Variants in NXPE2 observed in about 807,000 individuals in gnomAD.
The protein encoded by NXPE2 is NXPE family member 2.
A neutral mutation model predicts 34.4 loss-of-function variants in NXPE2; 34 were observed. That is an observed-to-expected ratio of 0.99 (90% CI 0.75 to 1.31). The LOEUF is 1.31. Ranked by LOEUF, NXPE2 falls within the 40% of genes most tolerant of loss-of-function variation. The pLI, the probability that NXPE2 is intolerant of heterozygous loss-of-function variation, is 0.00. For missense variants in NXPE2, 649 were observed against 672.5 expected (o/e 0.97, Z 0.39); for synonymous variants, 235 against 231.3 (o/e 1.02, Z -0.15).
At chr11:114,663,729 A>G in the NXPE2 span, among the ~76,000 whole-genome samples, 2 of 150,594 alleles carry the variant, frequency 1.3e-5, no homozygotes, top group African/African-American at 4.9e-5. Context: ...CTACCTACCT[A>G]TCTATTGGCG....
the NXPE2 span, among the ~76,000 whole-genome samples, chr11:114,719,249 T>G: frequency 0.22 from 32,901 of 151,986 alleles, 3,899 homozygotes; most frequent in East Asian, 0.36. Flanking sequence ...TCCTTTTACC[T>G]CCCTCCCAAT....
At chr11:114,691,711 G>T (rs1951153970) in intron 2 of NXPE2, among the ~76,000 whole-genome samples, 1 of 152,218 alleles carries the variant, frequency 6.6e-6, no homozygotes, top group South Asian at 2.1e-4. Flanking sequence ...CTTTGGTGAT[G>T]CCACCTTCAG....
intron 2 of NXPE2, among the ~76,000 whole-genome samples, chr11:114,697,310 G>A (rs1951276521): frequency 6.6e-6 from 1 of 152,142 alleles, no homozygotes; most frequent in Non-Finnish European, 1.5e-5. Context: ...AATGGAGGCA[G>A]AGATTGAAAT....
the NXPE2 span, among the ~76,000 whole-genome samples, chr11:114,549,482 G>T: frequency 6.6e-6 from 1 of 151,942 alleles, no homozygotes; most frequent in Non-Finnish European, 1.5e-5. Flanking sequence ...TACAGCTAAT[G>T]TGAGGAATTA....
At chr11:114,678,073 G>A (rs1472228149), upstream of NXPE2, among the ~76,000 whole-genome samples, 1 of 152,106 alleles carries the variant, frequency 6.6e-6, no homozygotes, top group Non-Finnish European at 1.5e-5. Context: ...ATGGTTTAGA[G>A]CAAGAGAAAG....
At chr11:114,522,914 C>T in the NXPE2 span, 782 of 1,613,156 alleles carry the variant, frequency 4.8e-4, 12 homozygotes, top group East Asian at 0.016. Context: ...GATCCACTGA[C>T]GTAGTGTAGA....
At chr11:114,794,528 G>A in the NXPE2 span, among the ~76,000 whole-genome samples, 2 of 152,098 alleles carry the variant, frequency 1.3e-5, no homozygotes, top group Non-Finnish European at 2.9e-5. Context: ...TATCTTTATT[G>A]CAAAGCTATC....
the NXPE2 span, chr11:114,584,096 G>A: frequency 3.4e-6 from 1 of 298,156 alleles, no homozygotes. Context: ...CAAAGGGCAT[G>A]CCAAGTGTGT....
the NXPE2 span, among the ~76,000 whole-genome samples, chr11:114,533,483 G>A: frequency 6.6e-6 from 1 of 152,198 alleles, no homozygotes; most frequent in Non-Finnish European, 1.5e-5. Flanking sequence ...GAAGCAGGGC[G>A]AGGCATCGCC....
the NXPE2 span, among the ~76,000 whole-genome samples, chr11:114,485,868 T>C: frequency 6.6e-6 from 1 of 152,242 alleles, no homozygotes; most frequent in East Asian, 1.9e-4. Flanking sequence ...CCATTGTGTA[T>C]ATGTACTACA....
the NXPE2 span, among the ~76,000 whole-genome samples, chr11:114,744,955 A>G: frequency 6.6e-5 from 10 of 152,230 alleles, no homozygotes; most frequent in Non-Finnish European, 1.5e-4. Flanking sequence ...ATAAGAATAT[A>G]CATTAGCAGT....
Position 114,706,380 on chromosome 11 carries a change from T to C in NXPE2, c.1145-15T>C, listed in dbSNP as rs1951472793. The C allele has an allele frequency of 1.3e-6, 2 of 1,500,486 alleles. No individual in the cohort carries two copies. Among genetic ancestry groups the C allele is most frequent in the African/African-American group, 1.4e-5 (1 of 70,750 alleles). The allele number at this position is 1,500,486 out of a possible 1,614,324, so 92.9% of individuals were successfully genotyped here. A position where few individuals can be genotyped will look rare whatever the true frequency, so the allele number is the denominator to read the frequency against. ...TTCCTTTTGTTAAAATATTTATTGA[T>C]TTGTCTTTCATCAGCCCTAAAATAT... On this transcript the variant is annotated splice_polypyrimidine_tract_variant and intron_variant, in intron 5 of 5. Coordinates refer to ENST00000389586, the MANE Select transcript of NXPE2 (RefSeq NM_182495.6).
At chr11:114,716,698 T>TAA in the NXPE2 span, among the ~76,000 whole-genome samples, 1 of 152,182 alleles carries the variant, frequency 6.6e-6, no homozygotes, top group African/African-American at 2.4e-5. Flanking sequence ...CACATTCCAC[T>TAA]GAGCCAAATA....
chr11:114,652,678 T>A, the NXPE2 span, among the ~76,000 whole-genome samples: 2 of 152,182 alleles, frequency 1.3e-5, no homozygotes, highest in Non-Finnish European at 2.9e-5. Flanking sequence ...AAGAGGTAAT[T>A]GAAGCAAAGA....
At chr11:114,643,800 A>C in the NXPE2 span, among the ~76,000 whole-genome samples, 1 of 152,114 alleles carries the variant, frequency 6.6e-6, no homozygotes, top group Non-Finnish European at 1.5e-5. Context: ...TTCTGTGAAG[A>C]AAGTCTGTGG....
At chr11:114,538,068 T>C in the NXPE2 span, among the ~76,000 whole-genome samples, 6 of 152,162 alleles carry the variant, frequency 3.9e-5, no homozygotes, top group Non-Finnish European at 1.5e-5. Flanking sequence ...ATGGTACTGG[T>C]ACCAAAACAG....
chr11:114,695,760 A>G (rs1951237925), intron 2 of NXPE2, among the ~76,000 whole-genome samples: 1 of 151,930 alleles, frequency 6.6e-6, no homozygotes, highest in Non-Finnish European at 1.5e-5. Flanking sequence ...TGGGAGGCCA[A>G]GGCAGGCGGA....
chr11:114,752,438 C>T, the NXPE2 span, among the ~76,000 whole-genome samples: 1 of 152,194 alleles, frequency 6.6e-6, no homozygotes, highest in Non-Finnish European at 1.5e-5. Flanking sequence ...TAAAAGTAAT[C>T]ACTACTTAGT....
chr11:114,545,081 T>A, the NXPE2 span, among the ~76,000 whole-genome samples: 5 of 152,270 alleles, frequency 3.3e-5, no homozygotes, highest in African/African-American at 1.2e-4. Context: ...CTGGTGAGAA[T>A]GTAGAGCAGT....
Sources: allele counts gnomAD v4.1 joint callset (sites outside exome capture counted in the v4.1 genomes callset), GRCh38; gene constraint gnomAD v4.1.1; transcripts MANE v1.5; gene names NCBI Gene and HGNC (gene_info 2026-07-23, HGNC 2026-07-21).